PCDH11X: variants seen among roughly 807,000 people sequenced by gnomAD.
PCDH11X encodes the protein protocadherin 11 X-linked.
A neutral mutation model predicts 53.3 loss-of-function variants in PCDH11X; 18 were observed. The ratio of observed to expected loss-of-function variants is 0.34; its 90% CI spans 0.23 to 0.50. The LOEUF is 0.50. PCDH11X is among the 20% of genes least tolerant of loss of function. PCDH11X has a pLI of 0.98. For synonymous variants in PCDH11X, 279 were observed against 393.3 expected (o/e 0.71, Z 3.44); for missense variants, 570 against 1,032.4 (o/e 0.55, Z 6.14).
At chrX:92,005,197 A>C (rs1392206645) in intron 6 of PCDH11X, among the ~76,000 whole-genome samples, 1 of 111,189 alleles carries the variant, frequency 9.0e-6, no homozygotes, top group African/African-American at 3.3e-5. Flanking sequence ...ATTTAATGTT[A>C]CTATTGATAA....
intron 10 of PCDH11X, among the ~76,000 whole-genome samples, chrX:92,478,014 T>C (rs973708454): frequency 1.8e-5 from 2 of 109,735 alleles, no homozygotes; most frequent in Non-Finnish European, 3.8e-5. Context: ...GATTGGATCA[T>C]AGGAGCAGTT....
intron 4 of PCDH11X, among the ~76,000 whole-genome samples, chrX:91,823,060 C>T (rs1321891599): frequency 6.0e-4 from 65 of 108,149 alleles, no homozygotes; most frequent in Middle Eastern, 4.8e-3. Flanking sequence ...AATTTCTGTT[C>T]TTTTACATTT....
At chrX:92,023,900 C>A (rs1279765469) in intron 6 of PCDH11X, among the ~76,000 whole-genome samples, 5 of 108,919 alleles carry the variant, frequency 4.6e-5, no homozygotes, top group African/African-American at 1.7e-4. Flanking sequence ...AATAAATGAA[C>A]CAATGACTAA....
chrX:91,969,284 C>T (rs868014389), intron 6 of PCDH11X, among the ~76,000 whole-genome samples: 2 of 110,982 alleles, frequency 1.8e-5, no homozygotes, highest in Admixed American at 9.6e-5. Context: ...ACAACATTTA[C>T]AAGTATAACC....
rs181592636 is a variant in PCDH11X, at chrX:92,351,672, G to A, written c.3145-36063G>A. Among the ~76,000 whole-genome samples, 47 of 111,159 alleles carry A rather than the reference G, an allele frequency of 4.2e-4. No individual in the cohort carries two copies. The Admixed American group carries it at 4.2e-3, about 10-fold the overall frequency. On this transcript the variant is annotated intron_variant, in intron 8 of 10. Coordinates refer to ENST00000682573, the MANE Select transcript of PCDH11X (RefSeq NM_032968.5). ...TTTATTTACTGCAAGCATCATATTA[G>A]TCACTGTTAAATGAGGTAAAATCCA...
chrX:92,466,227 A>G (rs2073154839), intron 9 of PCDH11X, among the ~76,000 whole-genome samples: 2 of 111,041 alleles, frequency 1.8e-5, no homozygotes, highest in African/African-American at 3.3e-5. Context: ...AGTCATAATG[A>G]TTCACATAGA....
At chrX:92,100,780 A>G (rs996452402) in intron 6 of PCDH11X, among the ~76,000 whole-genome samples, 6 of 110,370 alleles carry the variant, frequency 5.4e-5, no homozygotes, top group Admixed American at 2.9e-4. Context: ...TGGAGAGAGA[A>G]TGGACGATGT....
At chrX:92,207,433 T>G (rs1289045213) in intron 7 of PCDH11X, among the ~76,000 whole-genome samples, 4 of 111,629 alleles carry the variant, frequency 3.6e-5, no homozygotes, top group Non-Finnish European at 7.5e-5. Flanking sequence ...TAAAACTGAA[T>G]GATGTTCTGT....
At chrX:91,946,122 T>G (rs953517126) in intron 6 of PCDH11X, among the ~76,000 whole-genome samples, 12 of 109,462 alleles carry the variant, frequency 1.1e-4, no homozygotes, top group Non-Finnish European at 2.3e-4. Flanking sequence ...TTGGGGTATT[T>G]TTTTGTTGGT....
chrX:92,241,566 C>T (rs956307467), intron 7 of PCDH11X, among the ~76,000 whole-genome samples: 8 of 111,007 alleles, frequency 7.2e-5, no homozygotes, highest in African/African-American at 2.6e-4. Flanking sequence ...TTTAAAGCCC[C>T]GAGCATGAAA....
At chrX:91,942,111 A>T (rs1340956129) in intron 6 of PCDH11X, among the ~76,000 whole-genome samples, 1 of 110,312 alleles carries the variant, frequency 9.1e-6, no homozygotes, top group Admixed American at 9.7e-5. Flanking sequence ...AAAAGAAAAA[A>T]AAAGAAAAGA....
intron 10 of PCDH11X, among the ~76,000 whole-genome samples, chrX:92,537,624 T>C (rs1028429267): frequency 2.1e-5 from 2 of 94,608 alleles, no homozygotes; most frequent in South Asian, 5.4e-4. Context: ...CACAGAGATA[T>C]ATGAACCCAA....
chrX:91,860,878 G>A (rs760588234), intron 5 of PCDH11X, among the ~76,000 whole-genome samples: 2 of 111,628 alleles, frequency 1.8e-5, no homozygotes, highest in South Asian at 3.7e-4. Flanking sequence ...TATTTTATTC[G>A]GGATTTTTGT....
intron 4 of PCDH11X, among the ~76,000 whole-genome samples, chrX:91,817,183 C>G (rs1054919178): frequency 1.9e-5 from 2 of 107,130 alleles, no homozygotes; most frequent in Non-Finnish European, 3.9e-5. Flanking sequence ...TGAAATAATT[C>G]TATTTTAAGA....
intron 10 of PCDH11X, among the ~76,000 whole-genome samples, chrX:92,589,595 C>T (rs958595966): frequency 1.8e-5 from 2 of 111,390 alleles, no homozygotes; most frequent in African/African-American, 6.5e-5. Flanking sequence ...ACAATGGATA[C>T]ACAAAAAATA....
chrX:92,479,213 T>C (rs2073451965), intron 10 of PCDH11X, among the ~76,000 whole-genome samples: 1 of 108,682 alleles, frequency 9.2e-6, no homozygotes, highest in Non-Finnish European at 1.9e-5. Context: ...TTTGTTTGTA[T>C]ATTTTTTTCT....
Position 92,440,358 on chromosome X carries a change from G to A in PCDH11X, c.3344-27941G>A, listed in dbSNP as rs140095705. On this transcript the variant is annotated intron_variant, in intron 9 of 10. Coordinates refer to ENST00000682573, the MANE Select transcript of PCDH11X (RefSeq NM_032968.5). ...CAGTGTCTGTTGTTGCCATATGTAT[G>A]TTCATGAGTGCCCAATGTTTAGCTC... Among the ~76,000 whole-genome samples, 36 of 104,706 alleles carry A rather than the reference G, an allele frequency of 3.4e-4. No homozygotes were observed. The East Asian group carries it at 0.013, about 37-fold the overall frequency. The allele number at this position is 104,706 out of a possible 115,157, so 90.9% of individuals were successfully genotyped here. A position where few individuals can be genotyped will look rare whatever the true frequency, so the allele number is the denominator to read the frequency against.
intron 6 of PCDH11X, among the ~76,000 whole-genome samples, chrX:91,962,778 A>G (rs1169501947): frequency 9.0e-6 from 1 of 110,608 alleles, no homozygotes; most frequent in African/African-American, 3.3e-5. Context: ...ATATCTTTTA[A>G]AATCTAGATA....
At chrX:91,967,496 TG>T (rs1427057430) in intron 6 of PCDH11X, among the ~76,000 whole-genome samples, 1 of 109,935 alleles carries the variant, frequency 9.1e-6, no homozygotes, top group Non-Finnish European at 1.9e-5. Flanking sequence ...TTATCTGAGG[TG>T]GAATAGTTTC....
Sources: allele counts gnomAD v4.1 joint callset (sites outside exome capture counted in the v4.1 genomes callset), GRCh38; gene constraint gnomAD v4.1.1; transcripts MANE v1.5; gene names NCBI Gene and HGNC (gene_info 2026-07-23, HGNC 2026-07-21).